The following CAMTA1 variants were observed in gnomAD, a reference collection of about 807,000 sequenced individuals.
CAMTA1 encodes the protein calmodulin-binding transcription activator 1.
In CAMTA1, 27 loss-of-function variants were observed where a neutral mutation model predicts 170.9. That is an observed-to-expected ratio of 0.16 (90% confidence interval 0.12 to 0.22). CAMTA1 has a LOEUF of 0.22. CAMTA1 is among the 10% of genes least tolerant of loss of function. The pLI, the probability that CAMTA1 is intolerant of heterozygous loss-of-function variation, is 1.00. For missense variants in CAMTA1, 1,619 were observed against 2,217.2 expected (o/e 0.73, Z 5.42); for synonymous variants, 833 against 891.5 (o/e 0.93, Z 1.17).
In CAMTA1 at chr1:7,041,345, T is replaced by C. The variant is rs1275683996; in HGVS notation, c.235-49959T>C. The stretch of plus-strand genomic sequence containing the variant: ...GCTGCTGTGGCTTTGCCAGCATCTA[T>C]TGTCTAAGAGGGCTGGGGAAGCTCA... On this transcript the variant is annotated intron_variant, in intron 3 of 22. Coordinates refer to ENST00000303635, the MANE Select transcript of CAMTA1 (RefSeq NM_015215.4). The surrounding 1 kb of genome is among the most constrained non-coding windows in gnomAD (Gnocchi z 5.1). Among the ~76,000 whole-genome samples, 1 of 152,162 alleles carries C rather than the reference T, an allele frequency of 6.6e-6. No homozygotes were observed. Among genetic ancestry groups the C allele is most frequent in the Non-Finnish European group, 1.5e-5 (1 of 68,038 alleles).
chr1:6,841,688 C>T (rs942622550), intron 3 of CAMTA1, among the ~76,000 whole-genome samples: 20 of 151,808 alleles, frequency 1.3e-4, no homozygotes, highest in African/African-American at 4.6e-4. Context: ...GGTTCAGGGA[C>T]GACTGCTGGA....
rs116364040 is a variant in CAMTA1, at chr1:6,929,980, C to T, written c.234+104770C>T. Among the ~76,000 whole-genome samples, 759 of 152,254 alleles carry T rather than the reference C, an allele frequency of 5.0e-3. 8 individuals are homozygous for T. Among genetic ancestry groups the T allele is most frequent in the African/African-American group, 0.016 (684 of 41,534 alleles). The stretch of plus-strand genomic sequence containing the variant: ...TTCAATGTGGTCTTGACCGTGCTCT[C>T]GTGGTATTTGTCCCCTACACCAGGC... On this transcript the variant is annotated intron_variant, in intron 3 of 22. Transcript: ENST00000303635.
intron 3 of CAMTA1, among the ~76,000 whole-genome samples, chr1:7,074,551 A>G (rs1357948295): frequency 2.6e-5 from 4 of 152,208 alleles, no homozygotes; most frequent in African/African-American, 9.7e-5. Context: ...TAATACTGTT[A>G]TATAGTGTTG....
intron 5 of CAMTA1, among the ~76,000 whole-genome samples, chr1:7,257,294 A>G (rs1450698078): frequency 6.6e-6 from 1 of 152,124 alleles, no homozygotes; most frequent in Non-Finnish European, 1.5e-5. Flanking sequence ...GGTAGATACT[A>G]TTGTCATCCT....
chr1:6,960,552 G>A (rs954609199), intron 3 of CAMTA1, among the ~76,000 whole-genome samples: 9 of 152,144 alleles, frequency 5.9e-5, no homozygotes, highest in African/African-American at 2.2e-4. Flanking sequence ...CCTCGGCAAA[G>A]ACTCCCCCAC....
intron 3 of CAMTA1, among the ~76,000 whole-genome samples, chr1:6,977,663 T>C (rs920516978): frequency 3.3e-5 from 5 of 152,118 alleles, no homozygotes; most frequent in African/African-American, 1.2e-4. Flanking sequence ...TTTAAGCATA[T>C]CATGTCATTT....
intron 3 of CAMTA1, among the ~76,000 whole-genome samples, chr1:6,985,000 T>C (rs78258446): frequency 0.023 from 3,472 of 152,340 alleles, 127 homozygotes; most frequent in African/African-American, 0.079. Flanking sequence ...AGACTGCCTA[T>C]GGGTCTGACT....
rs548022374 is a variant in CAMTA1 at position 7,307,985 on chromosome 1, A to AT, written c.438+58369dup. ...CAGGGAAACCATCTAGGCCTAGAGA[A>AT]TTTTTTTTTTCAGAAAGTTTTAAAC... On this transcript the variant is annotated intron_variant, in intron 5 of 22. Transcript: ENST00000303635. Among the ~76,000 whole-genome samples the AT allele has an allele frequency of 5.7e-3, 853 of 149,920 alleles. 5 individuals are homozygous for AT. Among genetic ancestry groups the AT allele is most frequent in the African/African-American group, 0.018 (732 of 40,934 alleles).
intron 3 of CAMTA1, among the ~76,000 whole-genome samples, chr1:6,928,661 A>G (rs1182063762): frequency 2.0e-5 from 3 of 152,134 alleles, no homozygotes; most frequent in Non-Finnish European, 4.4e-5. Context: ...AAGATCTCCC[A>G]GCTCATTCTC....
At chr1:7,048,996 C>T (rs1705857973) in intron 3 of CAMTA1, among the ~76,000 whole-genome samples, 1 of 152,260 alleles carries the variant, frequency 6.6e-6, no homozygotes, top group East Asian at 1.9e-4. Context: ...AGACTCAGGC[C>T]GACTTAGGAA....
intron 3 of CAMTA1, among the ~76,000 whole-genome samples, chr1:6,938,402 G>A (rs1241305107): frequency 1.3e-5 from 2 of 152,176 alleles, no homozygotes; most frequent in Non-Finnish European, 2.9e-5. Context: ...GGACTTGGTT[G>A]CGTCACAGCA....
chr1:6,905,125 C>G (rs1469398766), intron 3 of CAMTA1, among the ~76,000 whole-genome samples: 1 of 151,786 alleles, frequency 6.6e-6, no homozygotes, highest in Non-Finnish European at 1.5e-5. Flanking sequence ...TTCTCCATCT[C>G]CACTGCCCCA....
At chr1:7,559,176 G>A (rs931707930) in intron 6 of CAMTA1, among the ~76,000 whole-genome samples, 10 of 152,182 alleles carry the variant, frequency 6.6e-5, no homozygotes, top group Non-Finnish European at 1.3e-4. Context: ...GCCGCCACCC[G>A]CCAAGAGGGG....
At chr1:6,864,278 C>T (rs962377261) in intron 3 of CAMTA1, among the ~76,000 whole-genome samples, 2 of 152,180 alleles carry the variant, frequency 1.3e-5, no homozygotes, top group African/African-American at 2.4e-5. Flanking sequence ...CCAAGTCACT[C>T]TTTGCAGCCA....
At chr1:7,438,812 A>C (rs2092429451) in intron 5 of CAMTA1, among the ~76,000 whole-genome samples, 1 of 152,188 alleles carries the variant, frequency 6.6e-6, no homozygotes, top group Non-Finnish European at 1.5e-5. Context: ...ACCTGCTGTT[A>C]CTGAGCAGGG....
Position 7,569,332 on chromosome 1 carries a change from CCAT to C in CAMTA1, c.511-71053_511-71051del, listed in dbSNP as rs372675712. 2.7e-3 allele frequency among the ~76,000 whole-genome samples: 394 copies of C among 146,490 alleles called. 4 individuals are homozygous for C. Among genetic ancestry groups the C allele is most frequent in the African/African-American group, 8.8e-3 (350 of 39,592 alleles). ...CATCACCATCATCATCACCACATCA[CCAT>C]CATCATCATCATCACTACCACCATC... is the stretch of plus-strand genomic sequence containing the variant. On this transcript the variant is annotated intron_variant, in intron 6 of 22. Transcript: ENST00000303635.
chr1:7,199,652 A>G (rs535150619), intron 4 of CAMTA1, among the ~76,000 whole-genome samples: 543 of 145,152 alleles, frequency 3.7e-3, no homozygotes, highest in Non-Finnish European at 6.2e-3. Flanking sequence ...GTGCGCAGGG[A>G]GAGTTTCTCA....
chr1:6,913,069 G>C (rs1680057092), intron 3 of CAMTA1, among the ~76,000 whole-genome samples: 2 of 152,238 alleles, frequency 1.3e-5, no homozygotes, highest in Non-Finnish European at 2.9e-5. Flanking sequence ...TACATGATCT[G>C]TGCTCAGGTT....
At position 6,858,282 on chromosome 1, in the gene CAMTA1, C is replaced by T. The variant is rs1435355278; in HGVS notation, c.234+33072C>T. 4.6e-5 allele frequency among the ~76,000 whole-genome samples: 7 copies of T among 152,256 alleles called. No homozygotes were observed. The East Asian group carries it at 9.6e-4, about 21-fold the overall frequency. ...TTGTTTACTGTATGTTTCTTAGACA[C>T]AGTAATATAGTTTACAGAACTACTT... is the stretch of plus-strand genomic sequence containing the variant. On this transcript the variant is annotated intron_variant, in intron 3 of 22. Transcript: ENST00000303635.
Sources: gnomAD v4.1 joint callset for allele counts (sites outside exome capture counted in the v4.1 genomes callset) on GRCh38, gnomAD v4.1.1 for gene constraint, Gnocchi (gnomAD v3.1) non-coding constraint, MANE v1.5 for transcripts, NCBI Gene and HGNC (gene_info 2026-07-23, HGNC 2026-07-21) for gene names.